The following PCDHGA1 variants were observed in gnomAD, a reference collection of about 807,000 sequenced individuals.
PCDHGA1 encodes protocadherin gamma-A1.
Under a neutral mutation model 58.0 loss-of-function variants are expected in PCDHGA1, and 32 were observed. That is an observed-to-expected ratio of 0.55 (90% CI 0.42 to 0.74). The LOEUF (loss-of-function observed/expected upper bound fraction) is 0.74, where lower values mean the gene tolerates loss of function less well. Ranked by LOEUF, PCDHGA1 falls within the 30% of genes least tolerant of loss-of-function variation. The pLI, the probability that PCDHGA1 is intolerant of heterozygous loss-of-function variation, is 0.00. For missense variants in PCDHGA1, 1,205 were observed against 1,182.3 expected, an observed-to-expected ratio of 1.02 and a Z score of -0.28; for synonymous variants, 498 against 501.1, an observed-to-expected ratio of 0.99 and a Z score of 0.08.
rs539072548 is a variant in PCDHGA1 at position 141,421,546 on chromosome 5, A to G, written c.2422-73261A>G. 4.3e-6 allele frequency: 7 copies of G among 1,613,896 alleles called. No homozygotes were observed. The South Asian group carries it at 4.4e-5, about 10-fold the overall frequency. ...GACGGTGTCCTCCTGTTTTTTAAAT[A>G]TGGAACTTCTCGTGGAAGACACCTT... On this transcript the variant is annotated intron_variant, in intron 1 of 3. Transcript: ENST00000517417.
At chr5:141,403,831 G>T (rs1207086715) in intron 1 of PCDHGA1, 1 of 1,613,760 alleles carries the variant, frequency 6.2e-7, no homozygotes. Context: ...TGCTATTCCA[G>T]CTTAATGAAA....
chr5:141,354,617 T>C (rs942305232), intron 1 of PCDHGA1, among the ~76,000 whole-genome samples: 1 of 152,238 alleles, frequency 6.6e-6, no homozygotes, highest in Non-Finnish European at 1.5e-5. Flanking sequence ...TGTCCCACTG[T>C]CTTTTCACTT....
chr5:141,395,797 A>G (rs56946131), intron 1 of PCDHGA1: 16,957 of 151,702 alleles, frequency 0.11, 1,119 homozygotes, highest in African/African-American at 0.18. Flanking sequence ...ACTTCTTACC[A>G]TCCTTCAAAA....
At chr5:141,473,098 A>G (rs564554159) in intron 1 of PCDHGA1, among the ~76,000 whole-genome samples, 6 of 152,300 alleles carry the variant, frequency 3.9e-5, no homozygotes, top group South Asian at 4.1e-4. Context: ...TGTGAGTTGT[A>G]TTACCACACT....
intron 1 of PCDHGA1, chr5:141,399,630 G>A: frequency 1.9e-6 from 3 of 1,613,874 alleles, no homozygotes; most frequent in Non-Finnish European, 1.7e-6. Flanking sequence ...CCTCTTACGT[G>A]TCCATGAGCG....
chr5:141,431,435 G>C lies in PCDHGA1; in HGVS notation c.2422-63372G>C, dbSNP rs376827063. The C allele has an allele frequency of 6.2e-7, 1 of 1,613,668 alleles. No homozygotes were observed. The highest frequency in any genetic ancestry group is 1.7e-5 in the Admixed American group (1 of 60,010). On this transcript the variant is annotated intron_variant, in intron 1 of 3. Coordinates refer to ENST00000517417, the MANE Select transcript of PCDHGA1 (RefSeq NM_018912.3). This position sits in a 1 kb window ranked among gnomAD's most constrained non-coding sequence, Gnocchi z 4.8. ...GGGCGACCCGGTGCGCACAGGCACC[G>C]CGCGCATCCGCGTGATGGTTCTGGA...
At chr5:141,402,025 AAC>A (rs1265000731) in intron 1 of PCDHGA1, among the ~76,000 whole-genome samples, 9 of 152,192 alleles carry the variant, frequency 5.9e-5, no homozygotes, top group African/African-American at 1.7e-4. Flanking sequence ...GAATCATTGA[AAC>A]ACAGTCTGTG....
intron 1 of PCDHGA1, chr5:141,340,966 C>G (rs751223207): frequency 1.2e-6 from 2 of 1,613,852 alleles, no homozygotes; most frequent in Non-Finnish European, 8.5e-7. Context: ...TGGCCGTGGC[C>G]GACAGGATCC....
intron 1 of PCDHGA1, chr5:141,352,274 A>G (rs1220705648): frequency 6.2e-7 from 1 of 1,614,064 alleles, no homozygotes; most frequent in East Asian, 2.2e-5. Context: ...GCCAGACCTC[A>G]GCGACCGCCC....
chr5:141,434,964 T>C (rs2154556462), intron 1 of PCDHGA1, among the ~76,000 whole-genome samples: 1 of 152,004 alleles, frequency 6.6e-6, no homozygotes, highest in East Asian at 1.9e-4. Context: ...ATTTATAAAA[T>C]TACTTTGTTA....
chr5:141,430,643 T>G (rs1432236231), intron 1 of PCDHGA1: 16 of 946,950 alleles, frequency 1.7e-5, no homozygotes, highest in South Asian at 2.5e-5. Flanking sequence ...CCTGGGAGTA[T>G]GTGGAAACAA....
chr5:141,358,922 G>T (rs531004724), intron 1 of PCDHGA1, among the ~76,000 whole-genome samples: 2 of 152,248 alleles, frequency 1.3e-5, no homozygotes, highest in South Asian at 4.1e-4. Flanking sequence ...TGTGTGTAGG[G>T]GATATACAAC....
At chr5:141,481,357 G>A (rs1399668487) in intron 1 of PCDHGA1, among the ~76,000 whole-genome samples, 1 of 152,176 alleles carries the variant, frequency 6.6e-6, no homozygotes, top group Non-Finnish European at 1.5e-5. Context: ...ATCTACAGCT[G>A]TTCAATAGAT....
chr5:141,505,434 A>C lies in PCDHGA1; in HGVS notation c.2522A>C (p.Gln841Pro), dbSNP rs1417754900. 1 of 1,614,198 alleles carries C rather than the reference A, an allele frequency of 6.2e-7. No homozygotes were observed. The highest frequency in any genetic ancestry group is 1.7e-5 in the Admixed American group (1 of 60,032). The change falls in exon 3 of 4, where the codon CAG (glutamine) becomes CCG (proline). Residue 841 changes from glutamine (Q) to proline (P), a missense_variant. Gln to Pro is a moderately conservative substitution (Grantham distance 76). Coordinates refer to ENST00000517417, the MANE Select transcript of PCDHGA1 (RefSeq NM_018912.3). ...GACACCGGCACCTGGCCCAACAACCAGTTTGACACAGAGATGCTGCAAGCC... is the reference window on the plus strand; with the variant it reads ...GACACCGGCACCTGGCCCAACAACCCGTTTGACACAGAGATGCTGCAAGCC... ...GDDTGTWPNN[Q>P]FDTEMLQAMI...
intron 1 of PCDHGA1, chr5:141,345,745 G>T (rs1385143951): frequency 6.2e-7 from 1 of 1,614,202 alleles, no homozygotes; most frequent in South Asian, 1.1e-5. Flanking sequence ...CCCACAGACG[G>T]TTCCACTGGC....
At chr5:141,375,629 G>T (rs567513392) in intron 1 of PCDHGA1, 4 of 1,614,074 alleles carry the variant, frequency 2.5e-6, no homozygotes, top group African/African-American at 1.3e-5. Context: ...GATTCTGTAC[G>T]CCCTGCGCTC....
At chr5:141,383,386 G>A in intron 1 of PCDHGA1, 1 of 1,614,000 alleles carries the variant, frequency 6.2e-7, no homozygotes. Context: ...TCCAGATGTG[G>A]GCACGAACTC....
At chr5:141,492,834 G>T (rs544218873) in intron 1 of PCDHGA1, among the ~76,000 whole-genome samples, 36 of 152,332 alleles carry the variant, frequency 2.4e-4, no homozygotes, top group Non-Finnish European at 4.1e-4. Flanking sequence ...CCTTCCTCCC[G>T]CAGGAAGTGA....
Position 141,432,136 on chromosome 5 carries a change from T to C in PCDHGA1, c.2422-62671T>C, listed in dbSNP as rs766026174. 2 of 1,613,960 alleles carry C rather than the reference T, an allele frequency of 1.2e-6. No individual in the cohort carries two copies. The highest frequency in any genetic ancestry group is 1.7e-5 in the Admixed American group (1 of 59,996). On this transcript the variant is annotated intron_variant, in intron 1 of 3. Transcript: ENST00000517417. The surrounding 1 kb of genome is among the most constrained non-coding windows in gnomAD (Gnocchi z 6.0). ...TCTTCCCTCAGGCCTCCTATTCCGC[T>C]TATATCCCAGAGAACAATCCCAGAG...
Sources: gnomAD v4.1 joint callset for allele counts (sites outside exome capture counted in the v4.1 genomes callset) on GRCh38, gnomAD v4.1.1 for gene constraint, Gnocchi (gnomAD v3.1) non-coding constraint, MANE v1.5 for transcripts, NCBI Gene and HGNC (gene_info 2026-07-23, HGNC 2026-07-21) for gene names.